The following TANC1 variants were observed in gnomAD, a reference collection of about 807,000 sequenced individuals.
TANC1 encodes tetratricopeptide repeat, ankyrin repeat and coiled-coil containing 1.
In TANC1, 77 loss-of-function variants were observed where a neutral mutation model predicts 149.7. The observed-to-expected ratio is 0.51, with a 90% CI of 0.43 to 0.62. The LOEUF is 0.62. TANC1 is among the 20% of genes least tolerant of loss of function. TANC1 has a pLI of 0.00. For synonymous variants in TANC1, 854 were observed against 925.0 expected (o/e 0.92, Z 1.39); for missense variants, 1,985 against 2,321.8 (o/e 0.85, Z 2.98).
chr2:159,143,434 A>C (rs1436186161), intron 5 of TANC1, among the ~76,000 whole-genome samples: 2 of 151,842 alleles, frequency 1.3e-5, no homozygotes, highest in Non-Finnish European at 1.5e-5. Flanking sequence ...TTGAGTCAAC[A>C]GTGGAACTTA....
intron 2 of TANC1, among the ~76,000 whole-genome samples, chr2:159,061,132 C>T (rs1013347727): frequency 6.6e-6 from 1 of 152,134 alleles, no homozygotes; most frequent in African/African-American, 2.4e-5. Context: ...AGGCCATTGG[C>T]CCTCTCAGAG....
chr2:159,155,496 A>C (rs549439677), intron 7 of TANC1, among the ~76,000 whole-genome samples: 2 of 152,244 alleles, frequency 1.3e-5, no homozygotes, highest in Admixed American at 1.3e-4. Context: ...CCATGAAGGG[A>C]GGGGACCCTG....
chr2:159,009,035 T>G (rs769111213), intron 2 of TANC1, among the ~76,000 whole-genome samples: 1 of 152,174 alleles, frequency 6.6e-6, no homozygotes, highest in Non-Finnish European at 1.5e-5. Flanking sequence ...AAGGCAGCAA[T>G]TTCAGACATT....
At chr2:159,126,748 G>T (rs2049490997) in intron 4 of TANC1, among the ~76,000 whole-genome samples, 1 of 152,192 alleles carries the variant, frequency 6.6e-6, no homozygotes, top group South Asian at 2.1e-4. Context: ...ACATATCCCA[G>T]CTTATGTTGA....
intron 1 of TANC1, among the ~76,000 whole-genome samples, chr2:158,973,907 G>C (rs1381522985): frequency 6.6e-6 from 1 of 152,166 alleles, no homozygotes; most frequent in Non-Finnish European, 1.5e-5. Flanking sequence ...AAAAACGTAA[G>C]AGTTGGTCAT....
rs759984540 is a variant in TANC1, at chr2:159,194,478, C to G, written c.2964C>G (p.Thr988=). ...ACATGAAGCTGGTGTGTCTGCTGAC[C>G]AAGAAGGGAGTGAGAGTAAGCGGCA... ...AGHMKLVCLL[T]KKGVRVDHLD... Residue 988 remains threonine, a synonymous_variant, in exon 17 of 27, where the codon ACC becomes ACG. Transcript: ENST00000263635. The G allele has an allele frequency of 1.8e-5, 29 of 1,613,954 alleles. No homozygotes were observed. Among genetic ancestry groups the G allele is most frequent in the South Asian group, 7.7e-5 (7 of 91,078 alleles).
rs540215999 is a variant in TANC1, at chr2:159,113,548, A to G, written c.259+15714A>G. Among the ~76,000 whole-genome samples, 6 of 152,344 alleles carry G rather than the reference A, an allele frequency of 3.9e-5. No homozygotes were observed. The East Asian group carries it at 9.6e-4, about 24-fold the overall frequency. ...ATGTTGGAAGAATGCTGCCCTTGCC[A>G]TGTTCCATCAAACTGGTCCTGACAT... On this transcript the variant is annotated intron_variant, in intron 4 of 26. Coordinates refer to ENST00000263635, the MANE Select transcript of TANC1 (RefSeq NM_033394.3).
At chr2:159,131,324 T>G (rs2050067432) in intron 4 of TANC1, among the ~76,000 whole-genome samples, 1 of 152,194 alleles carries the variant, frequency 6.6e-6, no homozygotes, top group Non-Finnish European at 1.5e-5. Context: ...AGAATAAACT[T>G]GGCCTCCAGG....
intron 1 of TANC1, among the ~76,000 whole-genome samples, chr2:158,986,984 G>C (rs1455788509): frequency 6.6e-6 from 1 of 151,528 alleles, no homozygotes; most frequent in Non-Finnish European, 1.5e-5. Context: ...CGTGGAGAGT[G>C]AGGAGTGATA....
intron 4 of TANC1, among the ~76,000 whole-genome samples, chr2:159,130,536 CAT>C (rs2049966422): frequency 6.6e-6 from 1 of 152,058 alleles, no homozygotes; most frequent in Non-Finnish European, 1.5e-5. Context: ...AATAGGTGGT[CAT>C]GTGTGATTGG....
rs2039464806 is a variant in TANC1 at position 159,027,757 on chromosome 2, G to A, written c.-16+26568G>A. 3.9e-5 allele frequency among the ~76,000 whole-genome samples: 6 copies of A among 152,260 alleles called. No homozygotes were observed. The South Asian group carries it at 8.3e-4, about 21-fold the overall frequency. ...AATTTTCAGTCTTAGTCCGTCTCTT[G>A]CTATAACTGAATGCCACCTTCTGCA... is the stretch of plus-strand genomic sequence containing the variant. On this transcript the variant is annotated intron_variant, in intron 2 of 26. Coordinates refer to ENST00000263635, the MANE Select transcript of TANC1 (RefSeq NM_033394.3).
intron 2 of TANC1, among the ~76,000 whole-genome samples, chr2:159,009,151 G>A (rs1004823568): frequency 6.6e-6 from 1 of 152,050 alleles, no homozygotes; most frequent in Non-Finnish European, 1.5e-5. Flanking sequence ...AACTATGTAC[G>A]TTAATTAGAT....
At position 159,196,708 on chromosome 2, in the gene TANC1, C is replaced by G. The variant is rs747337166; in HGVS notation, c.3080C>G (p.Pro1027Arg). The stretch of plus-strand genomic sequence containing the variant: ...TACCTGCTGACTTGTGAGTGGTCGC[C>G]GGGTCCTCCCCAGCCAGGCACCCTG... ...LQYLLTCEWSPGPPQPGTLRK... is the reference protein window; with the variant it reads ...LQYLLTCEWSRGPPQPGTLRK... The change falls in exon 18 of 27, where the codon CCG becomes CGG. Residue 1027 changes from proline to arginine, a missense_variant. Coordinates refer to ENST00000263635, the MANE Select transcript of TANC1 (RefSeq NM_033394.3). 1.5e-5 allele frequency: 24 copies of G among 1,613,866 alleles called. No homozygotes were observed. Among genetic ancestry groups the G allele is most frequent in the Non-Finnish European group, 1.9e-5 (22 of 1,180,010 alleles).
chr2:159,225,994 C>G (rs1217569982), intron 24 of TANC1: 1 of 562,604 alleles, frequency 1.8e-6, no homozygotes, highest in Non-Finnish European at 3.2e-6. Context: ...CCAACCTGGC[C>G]AATATGGCAA....
chr2:159,204,911 G>A lies in TANC1; in HGVS notation c.3244+5858G>A, dbSNP rs149149758. 4.8e-3 allele frequency among the ~76,000 whole-genome samples: 729 copies of A among 152,318 alleles called. 1 individual carries two copies. Among genetic ancestry groups the A allele is most frequent in the Middle Eastern group, 0.01 (3 of 294 alleles). On this transcript the variant is annotated intron_variant, in intron 19 of 26. Coordinates refer to ENST00000263635, the MANE Select transcript of TANC1 (RefSeq NM_033394.3). The stretch of plus-strand genomic sequence containing the variant: ...AGCTGCGTCGTAGGCCTCCCTTTGT[G>A]TAGCGCATTGAAGCAATTCCACTTG...
rs1025838610 is a variant in TANC1, at chr2:159,189,362, C to T, written c.2742+2338C>T. Among the ~76,000 whole-genome samples, 4 of 152,172 alleles carry T rather than the reference C, an allele frequency of 2.6e-5. No individual in the cohort carries two copies. The South Asian group carries it at 8.3e-4, about 32-fold the overall frequency. The stretch of plus-strand genomic sequence containing the variant: ...CCTGCTGCTCTGTGCTGGTGAACAG[C>T]CCAGGCTGGGCATGCAGGGTGATGT... On this transcript the variant is annotated intron_variant, in intron 16 of 26. Coordinates refer to ENST00000263635, the MANE Select transcript of TANC1 (RefSeq NM_033394.3).
intron 16 of TANC1, among the ~76,000 whole-genome samples, chr2:159,192,523 G>A (rs1170731662): frequency 2.0e-5 from 3 of 152,094 alleles, no homozygotes; most frequent in African/African-American, 7.2e-5. Flanking sequence ...TTCAAAGTGT[G>A]GTTCCCCAAA....
At chr2:159,127,595 T>C (rs752135766) in intron 4 of TANC1, among the ~76,000 whole-genome samples, 2 of 152,228 alleles carry the variant, frequency 1.3e-5, no homozygotes, top group East Asian at 3.8e-4. Context: ...GTGTAGTACA[T>C]ATACACCATA....
At chr2:159,008,632 C>T (rs1256749851) in intron 2 of TANC1, among the ~76,000 whole-genome samples, 1 of 152,110 alleles carries the variant, frequency 6.6e-6, no homozygotes, top group African/African-American at 2.4e-5. Context: ...ATGCTAGACT[C>T]ATAGTTGTCT....
Sources: allele counts gnomAD v4.1 joint callset (sites outside exome capture counted in the v4.1 genomes callset), GRCh38; gene constraint gnomAD v4.1.1; transcripts MANE v1.5; gene names NCBI Gene and HGNC (gene_info 2026-07-23, HGNC 2026-07-21).